ANXA6: variants seen among roughly 807,000 people sequenced by gnomAD.
The protein encoded by ANXA6 is 67 kDa calelectrin.
Under a neutral mutation model 95.4 loss-of-function variants are expected in ANXA6, and 71 were observed. The ratio of observed to expected loss-of-function variants is 0.74; its 90% CI spans 0.61 to 0.91. The LOEUF (loss-of-function observed/expected upper bound fraction) is 0.91. Ranked by LOEUF, ANXA6 falls within the 40% of genes least tolerant of loss-of-function variation. ANXA6 has a pLI of 0.00. For missense variants in ANXA6, 830 were observed against 876.4 expected (o/e 0.95, Z 0.67); for synonymous variants, 289 against 315.9 (o/e 0.91, Z 0.90).
rs931069787 is a variant in ANXA6, at chr5:151,133,174, G to A, written c.560C>T (p.Ala187Val). 7 of 1,587,508 alleles carry A rather than the reference G, an allele frequency of 4.4e-6. No homozygotes were observed. Among genetic ancestry groups the A allele is most frequent in the Non-Finnish European group, 6.0e-6 (7 of 1,165,876 alleles). ...ATCTGTTCCCCATTTCAGTTCCCCTGCCTCGTATAGGTCCTGAAGGGGAAG... is the reference window on the plus strand; with the variant it reads ...ATCTGTTCCCCATTTCAGTTCCCCTACCTCGTATAGGTCCTGAAGGGGAAG... ...VQQDVQDLYE[A>V]GELKWGTDEA... The change falls in exon 9 of 26, where the codon GCA (alanine) becomes GTA (valine). Residue 187 changes from alanine to valine, a missense_variant. Physicochemically the swap from Ala to Val is moderately conservative, Grantham distance 64. Coordinates refer to ENST00000354546, the MANE Select transcript of ANXA6 (RefSeq NM_001155.5).
At chr5:151,114,471 G>A (rs1764937495) in intron 20 of ANXA6, among the ~76,000 whole-genome samples, 2 of 151,816 alleles carry the variant, frequency 1.3e-5, no homozygotes, top group Non-Finnish European at 2.9e-5. Flanking sequence ...AAAATTAGCT[G>A]GGCATGGTGT....
In ANXA6 at chr5:151,105,230, A is replaced by C. The variant is rs1328464125; in HGVS notation, c.1839+15T>G. On this transcript the variant is annotated intron_variant, in intron 24 of 25. Coordinates refer to ENST00000354546, the MANE Select transcript of ANXA6 (RefSeq NM_001155.5). ...CAGTGCTTGAAGGGAAAGGAACGCC[A>C]GCATGTTTTCTTACCTTCATGGATT... The C allele has an allele frequency of 6.2e-7, 1 of 1,612,514 alleles. No individual in the cohort carries two copies. The highest frequency in any genetic ancestry group is 2.2e-5 in the East Asian group (1 of 44,876).
chr5:151,117,657 A>T, intron 19 of ANXA6, 101 bp downstream of exon 19: 1 of 957,196 alleles, frequency 1.0e-6, no homozygotes, highest in South Asian at 1.4e-5. Context: ...CTCCATCAGG[A>T]GTGCACTTCT....
intron 8 of ANXA6, 98 bp downstream of exon 8, chr5:151,134,328 TG>T: frequency 8.6e-7 from 1 of 1,156,748 alleles, no homozygotes; most frequent in South Asian, 1.2e-5. Flanking sequence ...TGGTATTTGA[TG>T]CAAATGACTT....
rs189677637 is a variant in ANXA6, at chr5:151,101,293, G to A, written c.*155C>T. On this transcript the variant is annotated 3_prime_UTR_variant, in exon 26 of 26. Coordinates refer to ENST00000354546, the MANE Select transcript of ANXA6 (RefSeq NM_001155.5). ...CTCGATGGCCCGTGGGAGTGGGAGC[G>A]TTTCCTAAGCTCCACTGAAGATAAG... The A allele has an allele frequency of 1.5e-3, 1,069 of 707,132 alleles. 2 individuals are homozygous for A. The highest frequency in any genetic ancestry group is 2.3e-3 in the Non-Finnish European group (913 of 403,464). 43.8% of individuals were successfully genotyped at this position (707,132 alleles called of 1,614,324 possible).
intron 15 of ANXA6, 31 bp from the exon 16 acceptor site, chr5:151,123,042 A>G: frequency 6.3e-7 from 1 of 1,582,910 alleles, no homozygotes; most frequent in Non-Finnish European, 8.7e-7. Flanking sequence ...GCCTCAGAAG[A>G]AGGCCTGTGG....
intron 24 of ANXA6, 22 bp downstream of exon 24, chr5:151,105,223 G>T: frequency 6.2e-7 from 1 of 1,610,298 alleles, no homozygotes; most frequent in South Asian, 1.1e-5. Context: ...GAAGGGAAAG[G>T]AACGCCAGCA....
intron 11 of ANXA6, among the ~76,000 whole-genome samples, chr5:151,130,088 A>G (rs556198210): frequency 7.9e-5 from 12 of 152,244 alleles, no homozygotes; most frequent in African/African-American, 2.9e-4. Flanking sequence ...TTGTAACTCT[A>G]AGCAATACAC....
intron 1 of ANXA6, among the ~76,000 whole-genome samples, chr5:151,155,918 G>A (rs900001023): frequency 3.3e-5 from 5 of 152,170 alleles, no homozygotes; most frequent in Non-Finnish European, 5.9e-5. Context: ...GCTGCAGTGC[G>A]GATGTGCCAG....
intron 17 of ANXA6, among the ~76,000 whole-genome samples, chr5:151,119,725 G>A (rs904420436): frequency 1.3e-5 from 2 of 152,226 alleles, no homozygotes; most frequent in African/African-American, 2.4e-5. Context: ...ACACGCACAT[G>A]CCTCACAGTG....
At chr5:151,101,875 TCTC>T (rs1764560576) in intron 25 of ANXA6, among the ~76,000 whole-genome samples, 1 of 152,144 alleles carries the variant, frequency 6.6e-6, no homozygotes, top group African/African-American at 2.4e-5. Flanking sequence ...AGCAGGGCCC[TCTC>T]CTCTGAGAAG....
chr5:151,107,062 T>C (rs1029208002), intron 23 of ANXA6, among the ~76,000 whole-genome samples: 2 of 152,244 alleles, frequency 1.3e-5, no homozygotes, highest in African/African-American at 4.8e-5. Context: ...GTCCTGGTTC[T>C]ACTGCTATAA....
At chr5:151,124,987 G>A (rs183891942) in intron 14 of ANXA6, among the ~76,000 whole-genome samples, 31 of 152,300 alleles carry the variant, frequency 2.0e-4, no homozygotes, top group Admixed American at 4.6e-4. Flanking sequence ...AATTGTATCC[G>A]TTTTATCCTG....
intron 7 of ANXA6, among the ~76,000 whole-genome samples, chr5:151,135,669 C>T (rs1213938548): frequency 6.6e-5 from 10 of 152,212 alleles, no homozygotes; most frequent in African/African-American, 1.9e-4. Context: ...CCACTGCAGT[C>T]GTGCAGAATG....
At chr5:151,132,324 C>T (rs887958112) in intron 10 of ANXA6, among the ~76,000 whole-genome samples, 152 bp downstream of exon 10, 2 of 152,162 alleles carry the variant, frequency 1.3e-5, no homozygotes, top group Non-Finnish European at 2.9e-5. Flanking sequence ...AGCCATGCTG[C>T]CCTGGAGAAA....
chr5:151,133,883 G>C (rs1477969889), intron 8 of ANXA6, among the ~76,000 whole-genome samples: 3 of 151,964 alleles, frequency 2.0e-5, no homozygotes, highest in African/African-American at 7.3e-5. Context: ...TTATCACTTT[G>C]ATCTACTGTA....
At chr5:151,114,331 G>A (rs1764933529) in intron 20 of ANXA6, among the ~76,000 whole-genome samples, 3 of 152,066 alleles carry the variant, frequency 2.0e-5, no homozygotes, top group African/African-American at 7.2e-5. Context: ...AAAAGCCTGG[G>A]CCAGGCATGG....
chr5:151,126,470 G>T lies in ANXA6; in HGVS notation c.988C>A (p.Gln330Lys), dbSNP rs1581996847. 1 of 1,609,646 alleles carries T rather than the reference G, an allele frequency of 6.2e-7. No individual in the cohort carries two copies. Among genetic ancestry groups the T allele is most frequent in the East Asian group, 2.2e-5 (1 of 44,730 alleles). The change falls in exon 14 of 26, where the codon CAG becomes AAG. Residue 330 changes from glutamine (Q) to lysine (K), a missense_variant. Physicochemically the swap from Gln to Lys is moderately conservative, Grantham distance 53. Transcript: ENST00000354546. Reference sequence around the variant, plus strand: ...ACCTGCGCTGCCTCCGGGAAGAACTGGCCAGCAGCACTGGAATGGAGGGGT... The same window carrying T: ...ACCTGCGCTGCCTCCGGGAAGAACTTGCCAGCAGCACTGGAATGGAGGGGT... ...LSGGDDDAAG[Q>K]FFPEAAQVAY...
Position 151,136,251 on chromosome 5 carries a change from C to G in ANXA6, c.489+5G>C. The G allele has an allele frequency of 1.9e-6, 3 of 1,613,828 alleles. No individual in the cohort carries two copies. Among genetic ancestry groups the G allele is most frequent in the Non-Finnish European group, 2.5e-6 (3 of 1,179,780 alleles). On this transcript the variant is annotated splice_donor_5th_base_variant and intron_variant, in intron 7 of 25. Transcript: ENST00000354546. ...CCAGAGGAAAAAAATAGGCTGTGAA[C>G]CAACCTGGAGCAGGACCACAAGCAT...
Sources: gnomAD v4.1 joint callset for allele counts (sites outside exome capture counted in the v4.1 genomes callset) on GRCh38, gnomAD v4.1.1 for gene constraint, MANE v1.5 for transcripts, NCBI Gene and HGNC (gene_info 2026-07-23, HGNC 2026-07-21) for gene names.